Variants in COG6 observed in about 807,000 individuals in gnomAD.
COG6 encodes component of oligomeric golgi complex 6, also known as conserved oligomeric Golgi complex subunit 6.
Under a neutral mutation model 88.8 loss-of-function variants are expected in COG6, and 74 were observed. The observed-to-expected ratio is 0.83, with a 90% CI of 0.69 to 1.01. The LOEUF is 1.01. Ranked by LOEUF, COG6 falls within the 50% of genes least tolerant of loss-of-function variation. COG6 has a pLI of 0.00. For missense variants in COG6, 800 were observed against 797.9 expected (o/e 1.00, Z -0.03); for synonymous variants, 286 against 278.7 (o/e 1.03, Z -0.26).
At chr13:39,738,945 G>A (rs565134654) in intron 18 of COG6, among the ~76,000 whole-genome samples, 217 of 152,164 alleles carry the variant, frequency 1.4e-3, no homozygotes, top group African/African-American at 4.7e-3. Flanking sequence ...AGATATTTCT[G>A]CATAGTCCTC....
rs1880662661 is a variant in COG6, at chr13:39,752,000, AGAG to A, written c.*914_*916del. The stretch of plus-strand genomic sequence containing the variant: ...TCAAACATTGGAGAAAAAAACTGCC[AGAG>A]GAGGAGTTGCCAATTGGCAGTGTGT... On this transcript the variant is annotated 3_prime_UTR_variant, in exon 19 of 19. Transcript: ENST00000455146. 5 of 1,251,840 alleles carry A rather than the reference AGAG, an allele frequency of 4.0e-6. No homozygotes were observed. The highest frequency in any genetic ancestry group is 5.2e-6 in the Non-Finnish European group (5 of 956,472). The allele number at this position is 1,251,840 out of a possible 1,614,324, so 77.5% of individuals were successfully genotyped here. A position where few individuals can be genotyped will look rare whatever the true frequency, so the allele number is the denominator to read the frequency against.
At chr13:39,719,611 C>T in intron 14 of COG6, 49 bp from the exon 15 acceptor site, 1 of 1,525,222 alleles carries the variant, frequency 6.6e-7, no homozygotes, top group Non-Finnish European at 9.1e-7. Context: ...AACCCAAGAC[C>T]CTATCAGTGA....
At chr13:39,688,352 G>C (rs1359954908) in intron 10 of COG6, among the ~76,000 whole-genome samples, 1 of 152,090 alleles carries the variant, frequency 6.6e-6, no homozygotes, top group East Asian at 1.9e-4. Flanking sequence ...GGTTTAATTT[G>C]ACTCACGGTT....
intron 4 of COG6, among the ~76,000 whole-genome samples, chr13:39,676,042 A>G (rs1875946181): frequency 6.6e-6 from 1 of 152,120 alleles, no homozygotes; most frequent in African/African-American, 2.4e-5. Context: ...TGTGGTGACA[A>G]TATTCAAACT....
rs112016139 is a variant in COG6, at chr13:39,679,702, A to G, written c.623+82A>G. The G allele has an allele frequency of 4.2e-5, 36 of 862,412 alleles. No individual in the cohort carries two copies. In the African/African-American group the frequency reaches 5.0e-4, roughly 12 times the overall value. The allele number at this position is 862,412 out of a possible 1,614,324, so 53.4% of individuals were successfully genotyped here. A position where few individuals can be genotyped will look rare whatever the true frequency, so the allele number is the denominator to read the frequency against. On this transcript the variant is annotated intron_variant, in intron 6 of 18. Coordinates refer to ENST00000455146, the MANE Select transcript of COG6 (RefSeq NM_020751.3). ...AGATATTCTAGATTGTTTGTGAACT[A>G]TATAGCATTTTGTGAAATAGAAGTT... is the stretch of plus-strand genomic sequence containing the variant.
chr13:39,690,827 T>C (rs1402800693), intron 11 of COG6, among the ~76,000 whole-genome samples: 1 of 151,908 alleles, frequency 6.6e-6, no homozygotes, highest in Non-Finnish European at 1.5e-5. Flanking sequence ...GAAATTATTT[T>C]ACTTATTTCT....
intron 18 of COG6, among the ~76,000 whole-genome samples, chr13:39,773,635 C>G (rs2138179766): frequency 6.6e-6 from 1 of 152,318 alleles, no homozygotes; most frequent in South Asian, 2.1e-4. Context: ...AATGTAGAAA[C>G]TCTGTTCCAG....
chr13:39,738,800 G>A (rs139688425), intron 18 of COG6, among the ~76,000 whole-genome samples: 7 of 151,980 alleles, frequency 4.6e-5, no homozygotes, highest in South Asian at 2.1e-4. Flanking sequence ...GAGATAAAAC[G>A]TGACATTTTA....
Position 39,719,739 on chromosome 13 carries a change from C to G in COG6, c.1496C>G (p.Thr499Ser). The G allele has an allele frequency of 6.2e-7, 1 of 1,612,462 alleles. No homozygotes were observed. Among genetic ancestry groups the G allele is most frequent in the Non-Finnish European group, 8.5e-7 (1 of 1,178,760 alleles). ...ASNLGTADMA[T>S]FMVNSLYMMK... The stretch of plus-strand genomic sequence containing the variant: ...AATTTAGGCACAGCTGACATGGCCA[C>G]TTTCATGGTCAATTCACTATATATG... Residue 499 changes from threonine to serine, a missense_variant, in exon 15 of 19, where the codon ACT becomes AGT. Thr to Ser is a moderately conservative substitution (Grantham distance 58, BLOSUM62 1). Transcript: ENST00000455146.
chr13:39,747,856 T>C (rs1404794284), intron 18 of COG6, among the ~76,000 whole-genome samples: 1 of 152,222 alleles, frequency 6.6e-6, no homozygotes, highest in Non-Finnish European at 1.5e-5. Context: ...TAAATTTCAC[T>C]ACTTTAGAAG....
At chr13:39,702,413 A>G (rs1388089649) in intron 13 of COG6, among the ~76,000 whole-genome samples, 1 of 152,044 alleles carries the variant, frequency 6.6e-6, no homozygotes, top group Non-Finnish European at 1.5e-5. Flanking sequence ...GCATTTATAT[A>G]TTAAAACCAA....
chr13:39,738,096 C>G (rs1879858795), intron 18 of COG6, among the ~76,000 whole-genome samples: 3 of 152,212 alleles, frequency 2.0e-5, no homozygotes, highest in Admixed American at 2.0e-4. Context: ...TGCCTCTTTC[C>G]TTAATATGAT....
chr13:39,737,134 C>T (rs1236064764), intron 18 of COG6, among the ~76,000 whole-genome samples: 1 of 151,474 alleles, frequency 6.6e-6, no homozygotes, highest in Non-Finnish European at 1.5e-5. Context: ...CAGGTGTAGA[C>T]TCTTGTTCTC....
intron 18 of COG6, among the ~76,000 whole-genome samples, chr13:39,743,977 A>G (rs551920064): frequency 1.3e-5 from 2 of 152,302 alleles, no homozygotes; most frequent in South Asian, 2.1e-4. Flanking sequence ...ATAACCTATC[A>G]TATAAACAGA....
chr13:39,656,301 C>A, intron 1 of COG6: 1 of 428,428 alleles, frequency 2.3e-6, no homozygotes, highest in South Asian at 1.7e-5. Flanking sequence ...GTCGGGAGAC[C>A]AAGAGAGCAG....
At chr13:39,770,938 A>G (rs916717938) in intron 18 of COG6, among the ~76,000 whole-genome samples, 8 of 152,120 alleles carry the variant, frequency 5.3e-5, no homozygotes, top group African/African-American at 1.4e-4. Flanking sequence ...TCTTGTTTCT[A>G]CAAGACCTCA....
intron 18 of COG6, among the ~76,000 whole-genome samples, chr13:39,729,907 C>A (rs1879342128): frequency 6.6e-6 from 1 of 152,144 alleles, no homozygotes; most frequent in Non-Finnish European, 1.5e-5. Context: ...GTTGAACCAG[C>A]AGTGGGATTG....
intron 18 of COG6, among the ~76,000 whole-genome samples, chr13:39,787,161 C>T (rs1881799410): frequency 6.6e-6 from 1 of 151,956 alleles, no homozygotes; most frequent in Admixed American, 6.6e-5. Context: ...GGTCAAGGGT[C>T]AGGGGAGTGG....
intron 3 of COG6, among the ~76,000 whole-genome samples, chr13:39,661,529 C>G (rs893195043): frequency 2.6e-5 from 4 of 152,126 alleles, no homozygotes; most frequent in African/African-American, 9.7e-5. Flanking sequence ...AATGCATATT[C>G]TACAGATTAA....
Sources: gnomAD v4.1 joint callset for allele counts (sites outside exome capture counted in the v4.1 genomes callset) on GRCh38, gnomAD v4.1.1 for gene constraint, MANE v1.5 for transcripts, NCBI Gene and HGNC (gene_info 2026-07-23, HGNC 2026-07-21) for gene names.